The following CPN1 variants were observed in gnomAD, a reference collection of about 807,000 sequenced individuals.
CPN1 encodes carboxypeptidase N catalytic chain.
CPN1 carries 37 observed loss-of-function variants against 46.4 expected under a neutral mutation model. The ratio of observed to expected loss-of-function variants is 0.80; its 90% confidence interval spans 0.61 to 1.05. CPN1 has a LOEUF of 1.05. Ranked by LOEUF, CPN1 falls within the 50% of genes least tolerant of loss-of-function variation. The probability of loss-of-function intolerance (pLI) is 0.00; values close to 1 mark genes in which losing one functional copy is unlikely to be tolerated. For synonymous variants in CPN1, 224 were observed against 235.4 expected, an observed-to-expected ratio of 0.95 and a Z score of 0.44; for missense variants, 563 against 602.6, an observed-to-expected ratio of 0.93 and a Z score of 0.69.
chr10:100,042,391 A>C lies in CPN1; in HGVS notation c.*36T>G, dbSNP rs1467087956. 3 of 1,612,082 alleles carry C rather than the reference A, an allele frequency of 1.9e-6. No homozygotes were observed. The highest frequency in any genetic ancestry group is 2.5e-6 in the Non-Finnish European group (3 of 1,179,756). Reference sequence around the variant, plus strand: ...CTTGATCTGATCTGAGAGCAGGAGCAAAGCCTTTCTGAAGGGTTGCCTGGC... The same window carrying C: ...CTTGATCTGATCTGAGAGCAGGAGCCAAGCCTTTCTGAAGGGTTGCCTGGC... On this transcript the variant is annotated 3_prime_UTR_variant, in exon 9 of 9. Coordinates refer to ENST00000370418, the MANE Select transcript of CPN1 (RefSeq NM_001308.3).
chr10:100,076,220 C>A, intron 1 of CPN1, 113 bp from the exon 2 acceptor site: 1 of 1,033,192 alleles, frequency 9.7e-7, no homozygotes. Flanking sequence ...CTCATGCTTT[C>A]ATTGGGTCTT....
At chr10:100,048,553 G>A (rs1372034177) in intron 8 of CPN1, among the ~76,000 whole-genome samples, 2 of 152,076 alleles carry the variant, frequency 1.3e-5, no homozygotes, top group Admixed American at 1.3e-4. Context: ...AAATTAGGCG[G>A]GCATGGTGGT....
intron 8 of CPN1, among the ~76,000 whole-genome samples, chr10:100,048,105 T>C (rs1317329432): frequency 1.3e-5 from 2 of 152,174 alleles, no homozygotes; most frequent in Non-Finnish European, 2.9e-5. Context: ...ACTAAAGGCT[T>C]TATGTGCATG....
chr10:100,052,861 T>C (rs925312896), intron 7 of CPN1, among the ~76,000 whole-genome samples: 2 of 151,758 alleles, frequency 1.3e-5, no homozygotes, highest in Admixed American at 6.6e-5. Flanking sequence ...GCCCAGGCAA[T>C]AGAGTGAGAC....
At chr10:100,069,975 T>G in intron 2 of CPN1, 106 bp from the exon 3 acceptor site, 1 of 1,327,998 alleles carries the variant, frequency 7.5e-7, no homozygotes, top group Admixed American at 1.8e-5. Context: ...CAGGCTGAAG[T>G]GCAGTGGTAC....
chr10:100,073,689 C>T (rs1354199783), intron 2 of CPN1, among the ~76,000 whole-genome samples: 1 of 149,186 alleles, frequency 6.7e-6, no homozygotes, highest in Non-Finnish European at 1.5e-5. Flanking sequence ...GATCTCAGCT[C>T]ACCGCAACCT....
chr10:100,065,406 A>G, intron 3 of CPN1, 36 bp from the exon 4 acceptor site: 2 of 1,612,260 alleles, frequency 1.2e-6, no homozygotes, highest in Non-Finnish European at 8.5e-7. Context: ...TGAAGGGCCA[A>G]CTGGGGCTAC....
Position 100,081,730 on chromosome 10 carries a change from G to T in CPN1, c.-105C>A. ...CCAAGGTCCACCTAGCTTCCCGCTTGTAAACACCAGTCCAAATTGGAAGAC... is the reference window on the plus strand; with the variant it reads ...CCAAGGTCCACCTAGCTTCCCGCTTTTAAACACCAGTCCAAATTGGAAGAC... On this transcript the variant is annotated 5_prime_UTR_variant, in exon 1 of 9. Coordinates refer to ENST00000370418, the MANE Select transcript of CPN1 (RefSeq NM_001308.3). 2 of 878,988 alleles carry T rather than the reference G, an allele frequency of 2.3e-6. No homozygotes were observed. The highest frequency in any genetic ancestry group is 3.7e-6 in the Non-Finnish European group (2 of 543,252). 54.4% of individuals were successfully genotyped at this position (878,988 alleles called of 1,614,324 possible).
chr10:100,058,872 C>A (rs1203663196), intron 5 of CPN1, among the ~76,000 whole-genome samples: 5 of 152,018 alleles, frequency 3.3e-5, no homozygotes, highest in Non-Finnish European at 2.9e-5. Context: ...GGAAGACAGC[C>A]CAGAAACCCT....
intron 3 of CPN1, among the ~76,000 whole-genome samples, chr10:100,066,130 A>AT (rs764101697): frequency 6.6e-6 from 1 of 151,888 alleles, no homozygotes. Context: ...TAATTTTTGT[A>AT]TTTTTTGTAG....
Position 100,047,218 on chromosome 10 carries a change from T to G in CPN1, c.1230+1540A>C, listed in dbSNP as rs546442680. 8.5e-5 allele frequency among the ~76,000 whole-genome samples: 13 copies of G among 152,214 alleles called. No individual in the cohort carries two copies. The South Asian group carries it at 2.7e-3, about 32-fold the overall frequency. On this transcript the variant is annotated intron_variant, in intron 8 of 8. Transcript: ENST00000370418. ...CAGCCTGAGGGACAGAGACACTCCC[T>G]GTCTCTATGAAAGAAGAAGAGGAGG...
rs193112448 is a variant in CPN1 at position 100,061,089 on chromosome 10, G to A, written c.871+2525C>T. Among the ~76,000 whole-genome samples the A allele has an allele frequency of 2.2e-3, 340 of 151,574 alleles. 1 individual carries two copies. Among genetic ancestry groups the A allele is most frequent in the Non-Finnish European group, 4.1e-3 (280 of 67,896 alleles). On this transcript the variant is annotated intron_variant, in intron 5 of 8. Transcript: ENST00000370418. ...AGGATGGTTACCAGAGGCTGGGAAG[G>A]ATGGTGGGGGTGGGGAGAATGGGGA...
chr10:100,068,785 C>T (rs775228846), intron 3 of CPN1, among the ~76,000 whole-genome samples: 1 of 152,152 alleles, frequency 6.6e-6, no homozygotes, highest in Non-Finnish European at 1.5e-5. Context: ...GCAATCCTCC[C>T]GTCTCAGCTT....
At position 100,053,750 on chromosome 10, in the gene CPN1, C is replaced by A. The variant is rs148543944; in HGVS notation, c.1111+597G>T. On this transcript the variant is annotated intron_variant, in intron 7 of 8. Transcript: ENST00000370418. Reference sequence around the variant, plus strand: ...CAAAAAAAAAATCCTACAAGTTGTGCATGATCAAGCTGGGCTGAGTCAGCT... The same window carrying A: ...CAAAAAAAAAATCCTACAAGTTGTGAATGATCAAGCTGGGCTGAGTCAGCT... 2.9e-4 allele frequency among the ~76,000 whole-genome samples: 44 copies of A among 152,232 alleles called. No individual in the cohort carries two copies. In the East Asian group the frequency reaches 4.2e-3, roughly 15 times the overall value.
chr10:100,067,936 A>T (rs1331468862), intron 3 of CPN1, among the ~76,000 whole-genome samples: 2 of 151,830 alleles, frequency 1.3e-5, no homozygotes, highest in Non-Finnish European at 2.9e-5. Flanking sequence ...GGCAGATCAC[A>T]AGGCCAGGAG....
In CPN1 at chr10:100,054,394, G is replaced by A; in HGVS notation, c.1064C>T (p.Ala355Val). The change falls in exon 7 of 9, where the codon GCC becomes GTC. Residue 355 changes from alanine (A) to valine (V), a missense_variant. Ala to Val is a moderately conservative substitution (Grantham distance 64). Coordinates refer to ENST00000370418, the MANE Select transcript of CPN1 (RefSeq NM_001308.3). ...CCCACTGACAGAAATGACAGCATTG[G>A]CGAGATTATTGTAATTCTCATCAAG... ...MVLDENYNNL[A>V]NAVISVSGIN... 6.2e-7 allele frequency: 1 copy of A among 1,614,032 alleles called. No individual in the cohort carries two copies. The highest frequency in any genetic ancestry group is 8.5e-7 in the Non-Finnish European group (1 of 1,179,976).
intron 3 of CPN1, among the ~76,000 whole-genome samples, chr10:100,067,916 G>T (rs1391987671): frequency 6.6e-6 from 1 of 152,048 alleles, no homozygotes; most frequent in East Asian, 1.9e-4. Context: ...CACTTTGGGA[G>T]GCTGAGGTGG....
chr10:100,065,354 C>T lies in CPN1; in HGVS notation c.593G>A (p.Arg198Gln), dbSNP rs374397752. 9.3e-6 allele frequency: 15 copies of T among 1,614,036 alleles called. No individual in the cohort carries two copies. The highest frequency in any genetic ancestry group is 5.5e-5 in the South Asian group (5 of 91,078). Residue 198 changes from arginine to glutamine, a missense_variant, in exon 4 of 9, where the codon CGG becomes CAG. By Grantham distance (43) the Arg-to-Gln change is conservative. Transcript: ENST00000370418. ...GGAGTGCATCCACCGGATCACCGCCCGGGTCTCGGGTTCCACCTGGGAGGA... is the reference window on the plus strand; with the variant it reads ...GGAGTGCATCCACCGGATCACCGCCTGGGTCTCGGGTTCCACCTGGGAGGA... ...NWKSQVEPET[R>Q]AVIRWMHSFN... is the part of the protein sequence containing the mutation.
At chr10:100,052,545 C>G (rs12243096) in intron 7 of CPN1, among the ~76,000 whole-genome samples, 65,531 of 151,702 alleles carry the variant, frequency 0.43, 14,983 homozygotes, top group African/African-American at 0.54. Flanking sequence ...GAATGTTTTA[C>G]AGACATTCCC....
Sources: gnomAD v4.1 joint callset for allele counts (sites outside exome capture counted in the v4.1 genomes callset) on GRCh38, gnomAD v4.1.1 for gene constraint, MANE v1.5 for transcripts, NCBI Gene and HGNC (gene_info 2026-07-23, HGNC 2026-07-21) for gene names.